ABCC4: variants seen among roughly 807,000 people sequenced by gnomAD.
ABCC4 encodes ATP binding cassette subfamily C member 4 (PEL blood group), also known as ATP-binding cassette sub-family C member 4.
Under a neutral mutation model 168.5 loss-of-function variants are expected in ABCC4, and 102 were observed. That is an observed-to-expected ratio of 0.61 (90% CI 0.52 to 0.71). The LOEUF (loss-of-function observed/expected upper bound fraction) is 0.71. ABCC4 is among the 30% of genes least tolerant of loss of function. The pLI is 0.00. For missense variants in ABCC4, 1,402 were observed against 1,605.8 expected, an observed-to-expected ratio of 0.87 and a Z score of 2.17; for synonymous variants, 617 against 590.7, an observed-to-expected ratio of 1.04 and a Z score of -0.65.
intron 9 of ABCC4, among the ~76,000 whole-genome samples, chr13:95,192,036 TGGGCCCTG>T (rs1482487187): frequency 6.6e-6 from 1 of 152,210 alleles, no homozygotes; most frequent in African/African-American, 2.4e-5. Context: ...CCCCACTCTG[TGGGCCCTG>T]GGGCCAGAGC....
chr13:95,284,081 T>C (rs9561829), intron 1 of ABCC4, among the ~76,000 whole-genome samples: 25,626 of 152,004 alleles, frequency 0.17, 2,142 homozygotes, highest in East Asian at 0.2. Flanking sequence ...ATGTGTCGTA[T>C]GCCTGTAATC....
chr13:95,096,494 AG>A (rs1265250747), intron 20 of ABCC4, among the ~76,000 whole-genome samples: 3 of 152,178 alleles, frequency 2.0e-5, no homozygotes, highest in Non-Finnish European at 2.9e-5. Flanking sequence ...ATTAATCCCA[AG>A]AAGGATACTA....
intron 4 of ABCC4, among the ~76,000 whole-genome samples, chr13:95,225,075 T>C (rs1311836008): frequency 6.6e-6 from 1 of 151,438 alleles, no homozygotes; most frequent in Non-Finnish European, 1.5e-5. Flanking sequence ...CTAACTCTCA[T>C]AACCGGAGAT....
At chr13:95,265,946 TC>T (rs1311329476) in intron 1 of ABCC4, among the ~76,000 whole-genome samples, 1 of 151,828 alleles carries the variant, frequency 6.6e-6, no homozygotes, top group South Asian at 2.1e-4. Context: ...GCTGTATCTG[TC>T]CCCCCCAGTC....
intron 3 of ABCC4, among the ~76,000 whole-genome samples, chr13:95,242,384 T>G (rs1330390049): frequency 6.6e-6 from 1 of 152,144 alleles, no homozygotes; most frequent in Non-Finnish European, 1.5e-5. Flanking sequence ...CCCACCACCA[T>G]GCCCAGCTAA....
At position 95,209,508 on chromosome 13, in the gene ABCC4, G is replaced by C. The variant is rs771626325; in HGVS notation, c.711C>G (p.Cys237Trp). ...ALLWMEIGIS[C>W]LAGMAVLIIL... Reference sequence around the variant, plus strand: ...TGATTAGAACTGCCATCCCAGCAAGGCACGATATTCCTATCTCCATCCAGA... The same window carrying C: ...TGATTAGAACTGCCATCCCAGCAAGCCACGATATTCCTATCTCCATCCAGA... The change falls in exon 6 of 31, where the codon TGC (cysteine) becomes TGG (tryptophan). Residue 237 changes from cysteine (C) to tryptophan (W), a missense_variant. Cys to Trp is a radical substitution (Grantham distance 215, BLOSUM62 -2). Around this residue, in one of 3 missense-constraint regions of ABCC4, gnomAD observed 317 missense variants for 345.5 expected, o/e 0.92. Coordinates refer to ENST00000645237, the MANE Select transcript of ABCC4 (RefSeq NM_005845.5). 2 of 1,614,196 alleles carry C rather than the reference G, an allele frequency of 1.2e-6. No individual in the cohort carries two copies. Among genetic ancestry groups the C allele is most frequent in the South Asian group, 2.2e-5 (2 of 91,074 alleles).
chr13:95,286,630 C>G (rs536470115), intron 1 of ABCC4, among the ~76,000 whole-genome samples: 1 of 152,162 alleles, frequency 6.6e-6, no homozygotes, highest in East Asian at 1.9e-4. Flanking sequence ...TCCATATTCA[C>G]TTTCCCTGCT....
At chr13:95,151,301 C>T (rs1048940433) in intron 19 of ABCC4, among the ~76,000 whole-genome samples, 14 of 151,896 alleles carry the variant, frequency 9.2e-5, no homozygotes, top group African/African-American at 3.1e-4. Context: ...CATGGTGAAA[C>T]TCTGTCTCTA....
At chr13:95,275,282 T>A (rs966369985) in intron 1 of ABCC4, among the ~76,000 whole-genome samples, 4 of 152,160 alleles carry the variant, frequency 2.6e-5, no homozygotes, top group Admixed American at 6.5e-5. Context: ...ACCATGAAAG[T>A]GGTGGAGCCT....
intron 19 of ABCC4, among the ~76,000 whole-genome samples, chr13:95,152,806 A>G (rs2036733539): frequency 6.6e-6 from 1 of 152,186 alleles, no homozygotes; most frequent in Non-Finnish European, 1.5e-5. Flanking sequence ...ATAAAACTCA[A>G]ATTAAACTCC....
rs376326528 is a variant in ABCC4, at chr13:95,074,244, C to T, written c.2887G>A (p.Val963Ile). Residue 963 changes from valine to isoleucine, a missense_variant, in exon 23 of 31, where the codon GTT becomes ATT. This residue lies in a region of ABCC4 where 1,007 missense variants were observed against 1,127.3 expected (regional missense o/e 0.89). Coordinates refer to ENST00000645237, the MANE Select transcript of ABCC4 (RefSeq NM_005845.5). ...GCCAGAATCAGGGACCCAAAGGCAA[C>T]GATGATGACAAACATGGCACAGATG... is the stretch of plus-strand genomic sequence containing the variant. ...DAICAMFVII[V>I]AFGSLILAKT... 1.1e-5 allele frequency: 17 copies of T among 1,613,736 alleles called. No homozygotes were observed. Among genetic ancestry groups the T allele is most frequent in the African/African-American group, 2.7e-5 (2 of 74,906 alleles).
At position 95,177,720 on chromosome 13, in the gene ABCC4, G is replaced by A; in HGVS notation, c.1714C>T (p.His572Tyr). 1.9e-6 allele frequency: 3 copies of A among 1,610,176 alleles called. No individual in the cohort carries two copies. Among genetic ancestry groups the A allele is most frequent in the Non-Finnish European group, 2.5e-6 (3 of 1,176,982 alleles). ...AAACACACTCACAGTTCGAACAAGT[G>A]TCTGCTAACTTCCGCATCTACTGCA... ...LSAVDAEVSRHLFELCICQIL... is the reference protein window; with the variant it reads ...LSAVDAEVSRYLFELCICQIL... The change falls in exon 13 of 31, where the codon CAC (histidine) becomes TAC (tyrosine). Residue 572 changes from histidine to tyrosine, a missense_variant. This residue lies in a region of ABCC4 where 1,007 missense variants were observed against 1,127.3 expected (regional missense o/e 0.89). Coordinates refer to ENST00000645237, the MANE Select transcript of ABCC4 (RefSeq NM_005845.5).
chr13:95,113,504 T>C (rs2035272231), intron 20 of ABCC4, among the ~76,000 whole-genome samples: 2 of 152,030 alleles, frequency 1.3e-5, no homozygotes, highest in South Asian at 4.2e-4. Context: ...TTTACATGAT[T>C]CCATTAAGAG....
At chr13:95,096,108 T>C in intron 20 of ABCC4, 2 of 580,228 alleles carry the variant, frequency 3.4e-6, no homozygotes, top group South Asian at 2.2e-5. Context: ...TGAGGTTTGC[T>C]TGAGGAGGGA....
intron 1 of ABCC4, among the ~76,000 whole-genome samples, chr13:95,271,315 T>C (rs1260412892): frequency 1.3e-5 from 2 of 152,016 alleles, no homozygotes; most frequent in Admixed American, 6.6e-5. Context: ...ACCAAAAACA[T>C]AATCTGCCAC....
intron 4 of ABCC4, among the ~76,000 whole-genome samples, chr13:95,217,418 C>G (rs930766556): frequency 1.3e-5 from 2 of 152,080 alleles, no homozygotes; most frequent in Non-Finnish European, 2.9e-5. Context: ...TCTTTCCCCC[C>G]TCTCTAATAG....
intron 1 of ABCC4, among the ~76,000 whole-genome samples, chr13:95,296,904 T>TG (rs1250626009): frequency 1.3e-5 from 2 of 151,880 alleles, no homozygotes; most frequent in Non-Finnish European, 2.9e-5. Flanking sequence ...GGGGAAAAAA[T>TG]GGGGACTATC....
chr13:95,101,127 T>C (rs1470630661), intron 20 of ABCC4, among the ~76,000 whole-genome samples: 1 of 150,916 alleles, frequency 6.6e-6, no homozygotes, highest in Non-Finnish European at 1.5e-5. Context: ...CCCACCCCCC[T>C]AGGGAAGAAA....
intron 25 of ABCC4, among the ~76,000 whole-genome samples, chr13:95,067,667 CT>C (rs1387385696): frequency 4.6e-5 from 7 of 152,084 alleles, no homozygotes. Context: ...GTGGGACAAT[CT>C]GGCTGTGAGA....
Sources: gnomAD v4.1 joint callset for allele counts (sites outside exome capture counted in the v4.1 genomes callset) on GRCh38, gnomAD v4.1.1 for gene constraint, gnomAD v4.1.1 regional missense constraint, MANE v1.5 for transcripts, NCBI Gene and HGNC (gene_info 2026-07-23, HGNC 2026-07-21) for gene names.